Variants in FUBP3 observed in about 807,000 individuals in gnomAD.
FUBP3 encodes the protein far upstream element-binding protein 3.
In FUBP3, 28 loss-of-function variants were observed where a neutral mutation model predicts 85.6. The ratio of observed to expected loss-of-function variants is 0.33; its 90% CI spans 0.24 to 0.45. The LOEUF is 0.45. Ranked by LOEUF, FUBP3 falls within the 20% of genes least tolerant of loss-of-function variation. The probability of loss-of-function intolerance (pLI) is 1.00; values close to 1 mark genes in which losing one functional copy is unlikely to be tolerated. For synonymous variants in FUBP3, 271 were observed against 271.4 expected, an observed-to-expected ratio of 1.00 and a Z score of 0.01; for missense variants, 583 against 755.1, an observed-to-expected ratio of 0.77 and a Z score of 2.67.
Position 130,623,302 on chromosome 9 carries a change from T to G in FUBP3, c.875-309T>G, listed in dbSNP as rs112945107. Among the ~76,000 whole-genome samples, 122 of 152,358 alleles carry G rather than the reference T, an allele frequency of 8.0e-4. 1 individual carries two copies. The highest frequency in any genetic ancestry group is 2.9e-3 in the African/African-American group (120 of 41,580). On this transcript the variant is annotated intron_variant, in intron 10 of 18. Coordinates refer to ENST00000319725, the MANE Select transcript of FUBP3 (RefSeq NM_003934.2). ...ATGGCAGGCTCTTCTCTGGAAGCTGTTGCCATAGCTCTGCTCTGACTCCCT... is the reference window on the plus strand; with the variant it reads ...ATGGCAGGCTCTTCTCTGGAAGCTGGTGCCATAGCTCTGCTCTGACTCCCT...
At chr9:130,587,055 GTTT>G (rs369585277) in intron 1 of FUBP3, among the ~76,000 whole-genome samples, 1 of 119,350 alleles carries the variant, frequency 8.4e-6, no homozygotes, top group African/African-American at 3.6e-5. Context: ...GGCGTTTTTT[GTTT>G]TTTTTTTTTG....
chr9:130,624,609 T>TTGTGTGTGTGTGTG (rs138986229), intron 11 of FUBP3, among the ~76,000 whole-genome samples: 5 of 143,972 alleles, frequency 3.5e-5, no homozygotes, highest in East Asian at 4.2e-4. Context: ...TTACAAGATT[T>TTGTGTGTGTGTGTG]TGTGTGTGTG....
At chr9:130,629,920 G>A (rs1211270546) in intron 12 of FUBP3, among the ~76,000 whole-genome samples, 8 of 152,314 alleles carry the variant, frequency 5.3e-5, no homozygotes, top group South Asian at 2.1e-4. Flanking sequence ...TACGCTGCTG[G>A]AGCTTTTATT....
At chr9:130,606,565 A>G (rs1037305165) in intron 2 of FUBP3, among the ~76,000 whole-genome samples, 1 of 152,070 alleles carries the variant, frequency 6.6e-6, no homozygotes, top group Non-Finnish European at 1.5e-5. Context: ...TCACGCCTGT[A>G]ATCCCAGCAC....
chr9:130,610,068 AAGTC>A (rs1273963962), intron 3 of FUBP3, 81 bp downstream of exon 3: 10 of 1,125,824 alleles, frequency 8.9e-6, no homozygotes, highest in Admixed American at 6.9e-5. Context: ...GAGTGCTAGA[AAGTC>A]AGAGGTTGAG....
At chr9:130,593,460 G>T (rs889660663) in intron 1 of FUBP3, among the ~76,000 whole-genome samples, 1 of 152,174 alleles carries the variant, frequency 6.6e-6, no homozygotes, top group South Asian at 2.1e-4. Flanking sequence ...TCCGCCTTCA[G>T]GAATCTTATT....
chr9:130,597,092 A>G (rs997611464), intron 2 of FUBP3, among the ~76,000 whole-genome samples: 8 of 132,268 alleles, frequency 6.0e-5, no homozygotes, highest in Admixed American at 9.8e-5. Context: ...TCTACTCTCT[A>G]TGTCCATGAG....
intron 1 of FUBP3, among the ~76,000 whole-genome samples, chr9:130,582,587 T>C (rs1055876755): frequency 1.3e-5 from 2 of 152,380 alleles, no homozygotes; most frequent in East Asian, 1.9e-4. Flanking sequence ...AGAAGTAGTG[T>C]TTCTTCAACT....
chr9:130,631,774 C>T (rs1199541704), intron 14 of FUBP3, 144 bp downstream of exon 14: 14 of 818,946 alleles, frequency 1.7e-5, no homozygotes, highest in Non-Finnish European at 2.7e-5. Flanking sequence ...CTCTCACCAG[C>T]GGTCCCTCCG....
At chr9:130,595,894 C>T (rs79820852) in intron 2 of FUBP3, among the ~76,000 whole-genome samples, 5,898 of 152,254 alleles carry the variant, frequency 0.039, 130 homozygotes, top group Non-Finnish European at 0.053. Flanking sequence ...TTCTTCAGTG[C>T]GCATGGGAAT....
intron 1 of FUBP3, among the ~76,000 whole-genome samples, chr9:130,587,061 T>G (rs1342206883): frequency 7.9e-6 from 1 of 125,890 alleles, no homozygotes; most frequent in African/African-American, 3.9e-5. Flanking sequence ...TTTTGTTTTT[T>G]TTTTTTGTTT....
intron 1 of FUBP3, among the ~76,000 whole-genome samples, chr9:130,589,675 G>GTATATA (rs1170568300): frequency 0.038 from 1,299 of 34,030 alleles, 19 homozygotes; most frequent in Non-Finnish European, 0.053. Context: ...GTATGTGTGT[G>GTATATA]TATATATATA....
intron 18 of FUBP3, 191 bp downstream of exon 18, chr9:130,636,317 A>C: frequency 1.4e-6 from 1 of 705,906 alleles, no homozygotes; most frequent in Non-Finnish European, 2.5e-6. Context: ...GCTCTGGAGA[A>C]AAAGAGTTTA....
At chr9:130,630,110 A>G (rs139488986) in intron 12 of FUBP3, among the ~76,000 whole-genome samples, 16 of 152,302 alleles carry the variant, frequency 1.1e-4, no homozygotes, top group African/African-American at 3.8e-4. Flanking sequence ...TGGGATACTG[A>G]AGGCCCGAGT....
intron 3 of FUBP3, among the ~76,000 whole-genome samples, chr9:130,611,155 C>A (rs1352721650): frequency 1.3e-5 from 2 of 152,136 alleles, no homozygotes; most frequent in Non-Finnish European, 2.9e-5. Flanking sequence ...TGTTGAAGCC[C>A]CTCTAGTCAA....
At chr9:130,631,014 C>A in intron 13 of FUBP3, 1 of 635,592 alleles carries the variant, frequency 1.6e-6, no homozygotes, top group South Asian at 6.5e-5. Flanking sequence ...CTCACCAAGG[C>A]CGCAGCAGCC....
chr9:130,628,094 G>GTGCA (rs1554745916), intron 12 of FUBP3, among the ~76,000 whole-genome samples: 6 of 119,426 alleles, frequency 5.0e-5, no homozygotes, highest in African/African-American at 1.8e-4. Context: ...ACGCACGCAC[G>GTGCA]CACGCACGCG....
At chr9:130,589,911 C>G (rs537900378) in intron 1 of FUBP3, among the ~76,000 whole-genome samples, 3 of 149,016 alleles carry the variant, frequency 2.0e-5, no homozygotes, top group Admixed American at 6.7e-5. Flanking sequence ...GAGATAAAGC[C>G]TCACTATGTT....
At chr9:130,605,985 A>G in intron 2 of FUBP3, among the ~76,000 whole-genome samples, 1 of 151,832 alleles carries the variant, frequency 6.6e-6, no homozygotes. Context: ...CTCTGTCTCA[A>G]ACAACAACAA....
Sources: gnomAD v4.1 joint callset for allele counts (sites outside exome capture counted in the v4.1 genomes callset) on GRCh38, gnomAD v4.1.1 for gene constraint, MANE v1.5 for transcripts, NCBI Gene and HGNC (gene_info 2026-07-23, HGNC 2026-07-21) for gene names.